Variants in HOXC4 observed in about 807,000 individuals in gnomAD.
HOXC4 encodes homeobox C4, also known as homeobox protein Hox-C4.
A neutral mutation model predicts 25.5 loss-of-function variants in HOXC4; 15 were observed. The observed-to-expected ratio is 0.59, with a 90% CI of 0.39 to 0.91. HOXC4 has a LOEUF of 0.91. Among genes scored for constraint, HOXC4 ranks in the 40% least tolerant of loss-of-function variants. The pLI, the probability that HOXC4 is intolerant of heterozygous loss-of-function variation, is 0.00. For missense variants in HOXC4, 342 were observed against 352.4 expected (o/e 0.97, Z 0.24); for synonymous variants, 165 against 148.0 (o/e 1.11, Z -0.83).
Position 54,042,221 on chromosome 12 carries a change from G to T in HOXC4, c.-123-10939G>T, listed in dbSNP as rs145998529. On this transcript the variant is annotated intron_variant, in intron 1 of 3. Coordinates refer to the HOXC4 transcript ENST00000303406. Reference sequence around the variant, plus strand: ...TCAAACTCCTGACATCAGATGATCCGCCTGCCTTTGCCTCCCAAGGTGCTG... The same window carrying T: ...TCAAACTCCTGACATCAGATGATCCTCCTGCCTTTGCCTCCCAAGGTGCTG... Among the ~76,000 whole-genome samples the T allele has an allele frequency of 5.6e-3, 847 of 151,934 alleles. 9 individuals carry two copies. The highest frequency in any genetic ancestry group is 0.02 in the African/African-American group (815 of 41,434).
intron 1 of HOXC4, among the ~76,000 whole-genome samples, chr12:54,035,619 C>A (rs189382917): frequency 5.9e-5 from 9 of 152,322 alleles, no homozygotes; most frequent in Admixed American, 5.9e-4. Context: ...AAGGCCTTCA[C>A]GCCTCTGCAC....
rs1220393070 is a variant in HOXC4, at chr12:54,054,946, G to A, written c.536G>A (p.Arg179His). The A allele has an allele frequency of 4.3e-6, 7 of 1,613,838 alleles. No homozygotes were observed. The highest frequency in any genetic ancestry group is 5.9e-6 in the Non-Finnish European group (7 of 1,179,982). Residue 179 changes from arginine (R) to histidine (H), a missense_variant, in exon 2 of 2, where the codon CGC becomes CAC. Coordinates refer to ENST00000430889, the MANE Select transcript of HOXC4 (RefSeq NM_153633.3). ...TTAGAGAAAGAGTTTCATTACAACC[G>A]CTACCTGACCCGAAGGAGAAGGATC... ...LELEKEFHYN[R>H]YLTRRRRIEI...
At chr12:54,029,896 C>CTG (rs1281468647) in intron 1 of HOXC4, 1 of 1,601,476 alleles carries the variant, frequency 6.2e-7, no homozygotes, top group African/African-American at 1.4e-5. Context: ...GAGGGGCCAC[C>CTG]GCCGACAGCC....
intron 1 of HOXC4, among the ~76,000 whole-genome samples, chr12:54,041,356 A>G (rs1320283009): frequency 6.6e-6 from 1 of 152,090 alleles, no homozygotes; most frequent in Non-Finnish European, 1.5e-5. Context: ...TTCAGAGTGA[A>G]TTTTCTGGTT....
intron 1 of HOXC4, among the ~76,000 whole-genome samples, chr12:54,031,448 A>T (rs1394166827): frequency 6.6e-6 from 1 of 152,204 alleles, no homozygotes; most frequent in Non-Finnish European, 1.5e-5. Context: ...CGTGGCCGGG[A>T]CAAAATTCCT....
intron 1 of HOXC4, among the ~76,000 whole-genome samples, chr12:54,031,216 G>T (rs56270790): frequency 0.35 from 53,297 of 152,054 alleles, 9,875 homozygotes; most frequent in East Asian, 0.63. Context: ...CAGGCACCAG[G>T]GTCTCCTCCA....
upstream of HOXC4, among the ~76,000 whole-genome samples, chr12:54,052,569 T>TGTG (rs796588290): frequency 4.1e-4 from 52 of 126,200 alleles, 2 homozygotes; most frequent in African/African-American, 1.6e-3. Flanking sequence ...CACCCCTAGC[T>TGTG]GGGGGGGGGG....
In HOXC4 at chr12:54,055,166, G is replaced by A. The variant is rs752744810; in HGVS notation, c.756G>A (p.Pro252=). The change falls in exon 2 of 2, where the codon CCG becomes CCA. Residue 252 remains proline, a synonymous_variant. Coordinates refer to ENST00000430889, the MANE Select transcript of HOXC4 (RefSeq NM_153633.3). Reference sequence around the variant, plus strand: ...AAGACCACTCCCAGAGCGCCACGCCGCCGGAGCAGCAACGGGCAGAGGACA... The same window carrying A: ...AAGACCACTCCCAGAGCGCCACGCCACCGGAGCAGCAACGGGCAGAGGACA... ...TSEDHSQSAT[P]PEQQRAEDIT... is the part of the protein sequence containing the mutation. The A allele has an allele frequency of 1.2e-5, 19 of 1,611,114 alleles. No individual in the cohort carries two copies. The highest frequency in any genetic ancestry group is 7.7e-5 in the South Asian group (7 of 90,852).
At position 54,046,536 on chromosome 12, in the gene HOXC4, A is replaced by AATATATAT. The variant is rs147088501; in HGVS notation, c.-123-6614_-123-6607dup. On this transcript the variant is annotated intron_variant, in intron 1 of 3. Transcript: ENST00000303406. The stretch of plus-strand genomic sequence containing the variant: ...CCAATCCCCTTCTCTCCTTGAGGGA[A>AATATATAT]ATATATATATATATATACACAGTTA... Among the ~76,000 whole-genome samples the AATATATAT allele has an allele frequency of 4.0e-5, 6 of 149,958 alleles. No homozygotes were observed. The East Asian group carries it at 9.8e-4, about 24-fold the overall frequency.
At position 54,033,695 on chromosome 12, in the gene HOXC4, C is replaced by T. The variant is rs1036285659; in HGVS notation, c.-124+16281C>T. On this transcript the variant is annotated intron_variant, in intron 1 of 3. Transcript: ENST00000303406. ...TTTTACGATCCAGGCATCAATGGCTCGTAAAACTGTCCACTAAAAGGCTTA... is the reference window on the plus strand; with the variant it reads ...TTTTACGATCCAGGCATCAATGGCTTGTAAAACTGTCCACTAAAAGGCTTA... The T allele has an allele frequency of 3.3e-5, 28 of 852,814 alleles. 1 individual carries two copies. The highest frequency in any genetic ancestry group is 7.4e-5 in the South Asian group (4 of 53,946). 52.8% of individuals were successfully genotyped at this position (852,814 alleles called of 1,614,324 possible).
chr12:54,047,250 AG>A (rs1937736599), intron 1 of HOXC4, among the ~76,000 whole-genome samples: 1 of 152,254 alleles, frequency 6.6e-6, no homozygotes, highest in South Asian at 2.1e-4. Flanking sequence ...CCAGGCCTGA[AG>A]GGATAACCCA....
intron 1 of HOXC4, among the ~76,000 whole-genome samples, chr12:54,037,251 A>G (rs113790029): frequency 3.9e-5 from 6 of 152,180 alleles, no homozygotes; most frequent in African/African-American, 1.4e-4. Context: ...CTCCCTGAAC[A>G]GGGGCTTCTG....
chr12:54,045,640 T>G (rs1156765217), intron 1 of HOXC4, among the ~76,000 whole-genome samples: 1 of 152,216 alleles, frequency 6.6e-6, no homozygotes, highest in Non-Finnish European at 1.5e-5. Context: ...CATGCATCTG[T>G]GTATAGGGGC....
chr12:54,033,531 C>T (rs1234747101), intron 1 of HOXC4: 2 of 1,597,790 alleles, frequency 1.3e-6, no homozygotes, highest in African/African-American at 1.3e-5. Context: ...GCCACCGGCC[C>T]CGCCACAGAT....
At chr12:54,028,496 T>C (rs543723007) in intron 1 of HOXC4, 4 of 1,606,768 alleles carry the variant, frequency 2.5e-6, no homozygotes, top group Admixed American at 3.4e-5. Flanking sequence ...AAAGAAATCA[T>C]AGACCGACCA....
At chr12:54,050,274 G>A (rs1350576691), upstream of HOXC4, among the ~76,000 whole-genome samples, 1 of 152,226 alleles carries the variant, frequency 6.6e-6, no homozygotes, top group East Asian at 1.9e-4. Context: ...GATGTCAGAA[G>A]GGAAGCGCTT....
At chr12:54,054,473 T>A in intron 1 of HOXC4, 112 bp downstream of exon 1, 1 of 570,178 alleles carries the variant, frequency 1.8e-6, no homozygotes, top group Non-Finnish European at 3.0e-6. Flanking sequence ...CCCCTCTCTC[T>A]CCAGGAGCGA....
intron 1 of HOXC4, chr12:54,020,575 G>C (rs144577446): frequency 1.1e-4 from 16 of 152,230 alleles, no homozygotes; most frequent in African/African-American, 2.4e-4. Context: ...ACAGACTCAG[G>C]CTTATGCATG....
At chr12:54,052,721 C>A (rs1374281326), upstream of HOXC4, among the ~76,000 whole-genome samples, 1 of 152,122 alleles carries the variant, frequency 6.6e-6, no homozygotes, top group East Asian at 1.9e-4. Context: ...AAAGGCTGGC[C>A]GTGCCTCCCC....
Sources: allele counts gnomAD v4.1 joint callset (sites outside exome capture counted in the v4.1 genomes callset), GRCh38; gene constraint gnomAD v4.1.1; transcripts MANE v1.5; gene names NCBI Gene and HGNC (gene_info 2026-07-23, HGNC 2026-07-21).